The following ANK3 variants were observed in gnomAD, a reference collection of about 807,000 sequenced individuals.
ANK3 encodes the protein ankyrin-3.
A neutral mutation model predicts 370.9 loss-of-function variants in ANK3; 57 were observed. The ratio of observed to expected loss-of-function variants is 0.15; its 90% confidence interval spans 0.12 to 0.19. ANK3 has a LOEUF of 0.19. ANK3 is among the 10% of genes least tolerant of loss of function. The pLI is 1.00. For synonymous variants in ANK3, 1,929 were observed against 1,946.3 expected (o/e 0.99, Z 0.23); for missense variants, 4,439 against 5,302.1 (o/e 0.84, Z 5.06).
chr10:60,729,830 C>A (rs1351062838), intron 1 of ANK3, among the ~76,000 whole-genome samples: 1 of 152,072 alleles, frequency 6.6e-6, no homozygotes, highest in Non-Finnish European at 1.5e-5. Flanking sequence ...GTAATTAATC[C>A]ATATAAGACC....
Position 60,182,877 on chromosome 10 carries a change from G to A in ANK3, c.2086-1450C>T, listed in dbSNP as rs141336935. Among the ~76,000 whole-genome samples, 502 of 152,256 alleles carry A rather than the reference G, an allele frequency of 3.3e-3. 3 individuals are homozygous for A. The highest frequency in any genetic ancestry group is 0.012 in the African/African-American group (487 of 41,542). ...AGAAAAATAAGCCAGAGCCAAAATTGGCACCACCCAAACACTGACCTCATC... is the reference window on the plus strand; with the variant it reads ...AGAAAAATAAGCCAGAGCCAAAATTAGCACCACCCAAACACTGACCTCATC... On this transcript the variant is annotated intron_variant, in intron 17 of 43. Coordinates refer to ENST00000280772, the MANE Select transcript of ANK3 (RefSeq NM_020987.5).
At position 60,555,202 on chromosome 10, in the gene ANK3, T is replaced by C. The variant is rs372429443; in HGVS notation, c.96+59984A>G. ...AATTACAAAACTTGGCCAGGCATAG[T>C]GGCTCACACCCATGATCCTAGTATA... On this transcript the variant is annotated intron_variant, in intron 2 of 43. Coordinates refer to the ANK3 transcript ENST00000373827. Among the ~76,000 whole-genome samples, 4 of 152,332 alleles carry C rather than the reference T, an allele frequency of 2.6e-5. No homozygotes were observed. The East Asian group carries it at 5.8e-4, about 22-fold the overall frequency.
At chr10:60,668,344 A>C (rs2079024588) in intron 1 of ANK3, among the ~76,000 whole-genome samples, 1 of 151,560 alleles carries the variant, frequency 6.6e-6, no homozygotes, top group Non-Finnish European at 1.5e-5. Context: ...CTGAGGAAGT[A>C]GCTATTCATA....
At chr10:60,573,361 T>TACCA (rs200827585) in intron 2 of ANK3, among the ~76,000 whole-genome samples, 9 of 152,046 alleles carry the variant, frequency 5.9e-5, no homozygotes, top group Non-Finnish European at 1.2e-4. Flanking sequence ...TCCATGAATA[T>TACCA]ACCAACCAAC....
At chr10:60,101,847 G>A (rs2091307402) in intron 28 of ANK3, among the ~76,000 whole-genome samples, 1 of 152,018 alleles carries the variant, frequency 6.6e-6, no homozygotes. Flanking sequence ...AAACTAAGAG[G>A]TGTCTTCATT....
intron 1 of ANK3, among the ~76,000 whole-genome samples, chr10:60,361,793 T>C (rs974179463): frequency 5.9e-5 from 9 of 152,258 alleles, no homozygotes; most frequent in Non-Finnish European, 8.8e-5. Context: ...TCCAGTTTTA[T>C]TGTTAATTTG....
At position 60,072,480 on chromosome 10, in the gene ANK3, C is replaced by T; in HGVS notation, c.8401G>A (p.Val2801Ile). 1 of 1,614,020 alleles carries T rather than the reference C, an allele frequency of 6.2e-7. No homozygotes were observed. The highest frequency in any genetic ancestry group is 8.5e-7 in the Non-Finnish European group (1 of 1,179,988). Residue 2801 changes from valine to isoleucine, a missense_variant, in exon 37 of 44, where the codon GTA (valine) becomes ATA (isoleucine). Physicochemically the swap from Val to Ile is conservative, Grantham distance 29 (BLOSUM62 3). Coordinates refer to ENST00000280772, the MANE Select transcript of ANK3 (RefSeq NM_020987.5). ...DEHAQSNEIV[V>I]NDSGSDNVKK... ...ACATTATCAGAGCCAGAATCATTTA[C>T]AACAATTTCGTTGCTTTGGGCATGC... is the stretch of plus-strand genomic sequence containing the variant.
intron 23 of ANK3, among the ~76,000 whole-genome samples, chr10:60,163,031 G>A (rs2095536394): frequency 6.6e-6 from 1 of 152,000 alleles, no homozygotes; most frequent in African/African-American, 2.4e-5. Flanking sequence ...AAATCCCTTG[G>A]GAGGAGACGC....
chr10:60,186,024 T>TTGTTATTAAAATGAACTCACGAAGGC (rs2096317423), intron 17 of ANK3, among the ~76,000 whole-genome samples: 1 of 152,212 alleles, frequency 6.6e-6, no homozygotes, highest in Non-Finnish European at 1.5e-5. Flanking sequence ...TACTCTAAAT[T>TTGTTATTAAAATGAACTCACGAAGGC]TGTTATTAAA....
intron 1 of ANK3, among the ~76,000 whole-genome samples, chr10:60,310,799 G>C (rs1428371548): frequency 6.6e-6 from 1 of 152,168 alleles, no homozygotes; most frequent in East Asian, 1.9e-4. Context: ...CAAAAAGGAG[G>C]TAGAACTAAA....
chr10:60,615,192 A>G, exon 2 of ANK3: 1 of 1,516,270 alleles, frequency 6.6e-7, no homozygotes, highest in African/African-American at 1.4e-5. Flanking sequence ...TTACCTTTCT[A>G]GAGCTTCGTG....
chr10:60,495,246 T>C (rs1465450189), intron 2 of ANK3, among the ~76,000 whole-genome samples: 9 of 152,164 alleles, frequency 5.9e-5, no homozygotes, highest in Non-Finnish European at 1.5e-5. Flanking sequence ...ATAACTATAG[T>C]AAGATCCCTG....
At chr10:60,494,130 GC>G (rs1223756722) in intron 2 of ANK3, among the ~76,000 whole-genome samples, 8 of 152,166 alleles carry the variant, frequency 5.3e-5, no homozygotes, top group Admixed American at 3.3e-4. Context: ...CAGATCCAAA[GC>G]CTGTCCTGCA....
At chr10:60,665,368 T>C (rs1477152918) in intron 1 of ANK3, among the ~76,000 whole-genome samples, 3 of 152,224 alleles carry the variant, frequency 2.0e-5, no homozygotes, top group Non-Finnish European at 2.9e-5. Context: ...AACATGCTCG[T>C]CATTGTGCCT....
intron 43 of ANK3, among the ~76,000 whole-genome samples, chr10:60,033,230 T>G (rs2074099288): frequency 6.6e-6 from 1 of 151,832 alleles, no homozygotes; most frequent in Non-Finnish European, 1.5e-5. Flanking sequence ...CCACGCACGG[T>G]GGCTCACGTC....
rs140955371 is a variant in ANK3 at position 60,186,566 on chromosome 10, CT to C, written c.2085+148del. 3,001 of 902,358 alleles carry C rather than the reference CT, an allele frequency of 3.3e-3. 52 individuals are homozygous for C. In the African/African-American group the frequency reaches 0.038, roughly 11 times the overall value. 55.9% of individuals were successfully genotyped at this position (902,358 alleles called of 1,614,324 possible). The stretch of plus-strand genomic sequence containing the variant: ...AACAGATTGTTTCCAAATTTTTGCT[CT>C]GTTAAGTAACACTTTGGTAAACAAC... On this transcript the variant is annotated intron_variant, in intron 17 of 43. Transcript: ENST00000280772.
At chr10:60,272,382 A>G (rs1456831203) in intron 4 of ANK3, among the ~76,000 whole-genome samples, 1 of 152,146 alleles carries the variant, frequency 6.6e-6, no homozygotes, top group African/African-American at 2.4e-5. Context: ...CTAAGCATCT[A>G]TCTTCCCTCA....
At chr10:60,188,694 A>G (rs960094705) in intron 16 of ANK3, among the ~76,000 whole-genome samples, 4 of 152,180 alleles carry the variant, frequency 2.6e-5, no homozygotes, top group African/African-American at 9.7e-5. Flanking sequence ...TGAAAGTGGA[A>G]ATGTCACTTC....
chr10:60,135,122 T>C (rs1160372962), intron 24 of ANK3, among the ~76,000 whole-genome samples: 2 of 152,170 alleles, frequency 1.3e-5, no homozygotes, highest in Non-Finnish European at 2.9e-5. Context: ...TAAAACTCAA[T>C]AGAGTCAGGG....
Sources: gnomAD v4.1 joint callset for allele counts (sites outside exome capture counted in the v4.1 genomes callset) on GRCh38, gnomAD v4.1.1 for gene constraint, MANE v1.5 for transcripts, NCBI Gene and HGNC (gene_info 2026-07-23, HGNC 2026-07-21) for gene names.